The following MAGI1 variants were observed in gnomAD, a reference collection of about 807,000 sequenced individuals.
MAGI1 encodes membrane associated guanylate kinase, WW and PDZ domain containing 1.
A neutral mutation model predicts 139.9 loss-of-function variants in MAGI1; 58 were observed. The ratio of observed to expected loss-of-function variants is 0.41; its 90% CI spans 0.34 to 0.52. The LOEUF is 0.52. MAGI1 is among the 20% of genes least tolerant of loss of function. The probability of loss-of-function intolerance (pLI) is 0.12; values close to 1 mark genes in which losing one functional copy is unlikely to be tolerated. For synonymous variants in MAGI1, 812 were observed against 737.9 expected, an observed-to-expected ratio of 1.10 and a Z score of -1.63; for missense variants, 1,874 against 1,901.6, an observed-to-expected ratio of 0.99 and a Z score of 0.27.
At chr3:65,606,857 C>T (rs2082769091) in intron 2 of MAGI1, among the ~76,000 whole-genome samples, 1 of 151,978 alleles carries the variant, frequency 6.6e-6, no homozygotes, top group Non-Finnish European at 1.5e-5. Context: ...GGGTTTTCAC[C>T]ATGTTGCTTA....
intron 1 of MAGI1, among the ~76,000 whole-genome samples, chr3:66,033,141 A>C (rs1412306882): frequency 6.6e-6 from 1 of 151,312 alleles, no homozygotes; most frequent in East Asian, 2.0e-4. Flanking sequence ...CGATTCTCCC[A>C]CTCTGCCTCC....
chr3:65,459,269 A>G (rs1022687950), intron 5 of MAGI1, among the ~76,000 whole-genome samples: 1 of 152,108 alleles, frequency 6.6e-6, no homozygotes, highest in African/African-American at 2.4e-5. Context: ...CTCAGGATAT[A>G]TTTGGCTATT....
intron 1 of MAGI1, among the ~76,000 whole-genome samples, chr3:65,784,122 C>CA (rs35437902): frequency 0.03 from 4,452 of 146,968 alleles, 141 homozygotes; most frequent in Admixed American, 0.1. Context: ...GACTCCATCT[C>CA]AAAAAAAAAA....
Position 65,462,943 on chromosome 3 carries a change from G to A in MAGI1, c.959+7340C>T, listed in dbSNP as rs9882672. Among the ~76,000 whole-genome samples the A allele has an allele frequency of 8.5e-3, 1,295 of 152,276 alleles. 18 individuals are homozygous for A. The highest frequency in any genetic ancestry group is 0.029 in the African/African-American group (1,225 of 41,534). ...TTGTCTACTATTGGTGTATAGGAAT[G>A]CTTGTGATTTTTTGCACATTGATTT... On this transcript the variant is annotated intron_variant, in intron 5 of 22. Coordinates refer to ENST00000402939, the MANE Select transcript of MAGI1 (RefSeq NM_001033057.2).
intron 1 of MAGI1, among the ~76,000 whole-genome samples, chr3:65,754,119 CAT>C (rs1253733443): frequency 5.3e-5 from 8 of 152,112 alleles, no homozygotes; most frequent in East Asian, 1.9e-4. Flanking sequence ...AAATCTATCA[CAT>C]GATAGATATT....
intron 1 of MAGI1, among the ~76,000 whole-genome samples, chr3:65,728,630 G>A (rs1204628439): frequency 6.6e-6 from 1 of 152,204 alleles, no homozygotes; most frequent in Non-Finnish European, 1.5e-5. Flanking sequence ...AAGAGCAGGT[G>A]TTCTGTGGCA....
intron 2 of MAGI1, among the ~76,000 whole-genome samples, chr3:65,604,843 G>C (rs989445334): frequency 2.0e-5 from 3 of 152,086 alleles, no homozygotes; most frequent in African/African-American, 7.2e-5. Flanking sequence ...TCAACAAGAA[G>C]TGAAAATAGA....
At position 65,825,849 on chromosome 3, in the gene MAGI1, G is replaced by A. The variant is rs181797277; in HGVS notation, c.314-203761C>T. Among the ~76,000 whole-genome samples the A allele has an allele frequency of 2.8e-4, 43 of 152,074 alleles. No homozygotes were observed. The South Asian group carries it at 6.4e-3, about 23-fold the overall frequency. On this transcript the variant is annotated intron_variant, in intron 1 of 22. Coordinates refer to ENST00000402939, the MANE Select transcript of MAGI1 (RefSeq NM_001033057.2). ...CTAAAAATATAAAAATTAGCCAGGC[G>A]TGGTGGTGCATGCCTGTAGTCCCAG... is the stretch of plus-strand genomic sequence containing the variant.
At chr3:65,997,007 T>C (rs2066485580) in intron 1 of MAGI1, among the ~76,000 whole-genome samples, 1 of 152,228 alleles carries the variant, frequency 6.6e-6, no homozygotes, top group Non-Finnish European at 1.5e-5. Flanking sequence ...GACTGCTGAT[T>C]TTCTCAATTT....
At chr3:65,818,679 G>A (rs780270828) in intron 1 of MAGI1, among the ~76,000 whole-genome samples, 20 of 152,160 alleles carry the variant, frequency 1.3e-4, no homozygotes, top group Non-Finnish European at 2.5e-4. Context: ...TCAAGATGAG[G>A]CCAGAGAATA....
intron 1 of MAGI1, among the ~76,000 whole-genome samples, chr3:65,837,848 C>G (rs2058678157): frequency 6.6e-6 from 1 of 152,116 alleles, no homozygotes; most frequent in African/African-American, 2.4e-5. Flanking sequence ...CTTTAAAGGT[C>G]TAATACAGGG....
Position 65,705,389 on chromosome 3 carries a change from G to A in MAGI1, c.314-83301C>T, listed in dbSNP as rs529147718. On this transcript the variant is annotated intron_variant, in intron 1 of 22. Coordinates refer to ENST00000402939, the MANE Select transcript of MAGI1 (RefSeq NM_001033057.2). ...GAGTATCTTAGTAAGCCCTCAAGAG[G>A]AGCAATACCAACAATACATTATCCC... 1.8e-4 allele frequency among the ~76,000 whole-genome samples: 27 copies of A among 152,216 alleles called. No homozygotes were observed. In the South Asian group the frequency reaches 3.1e-3, roughly 18 times the overall value.
intron 1 of MAGI1, among the ~76,000 whole-genome samples, chr3:65,975,084 TA>T (rs887449939): frequency 2.6e-5 from 2 of 75,540 alleles, no homozygotes; most frequent in African/African-American, 8.7e-5. Flanking sequence ...AAAAGGGAAA[TA>T]GCTATTTAAA....
intron 22 of MAGI1, among the ~76,000 whole-genome samples, chr3:65,358,214 T>A (rs965505451): frequency 6.6e-6 from 1 of 152,154 alleles, no homozygotes. Flanking sequence ...GTGTCCTGAA[T>A]TGAGGAGAGC....
chr3:65,706,514 C>G (rs2030319638), intron 1 of MAGI1, among the ~76,000 whole-genome samples: 1 of 152,164 alleles, frequency 6.6e-6, no homozygotes, highest in Non-Finnish European at 1.5e-5. Flanking sequence ...GAAAATGAGC[C>G]AAAGTCCTCT....
intron 2 of MAGI1, among the ~76,000 whole-genome samples, chr3:65,613,969 G>C (rs1199929739): frequency 6.6e-6 from 1 of 152,108 alleles, no homozygotes; most frequent in Non-Finnish European, 1.5e-5. Flanking sequence ...TTAACAGAGG[G>C]CCTACAAAGT....
At chr3:65,906,711 C>T (rs999364510) in intron 1 of MAGI1, among the ~76,000 whole-genome samples, 1 of 151,858 alleles carries the variant, frequency 6.6e-6, no homozygotes, top group Non-Finnish European at 1.5e-5. Flanking sequence ...CATGGTGAAA[C>T]CCCATCTCTA....
intron 2 of MAGI1, among the ~76,000 whole-genome samples, chr3:65,585,159 TCAGA>T (rs2081615816): frequency 1.3e-5 from 2 of 152,308 alleles, no homozygotes; most frequent in Middle Eastern, 3.4e-3. Context: ...CCAGGGTCAT[TCAGA>T]CAGTCAAGGA....
At chr3:65,922,744 G>A (rs191770574) in intron 1 of MAGI1, among the ~76,000 whole-genome samples, 1 of 152,304 alleles carries the variant, frequency 6.6e-6, no homozygotes, top group Non-Finnish European at 1.5e-5. Context: ...TGCAATGCCA[G>A]CACTTCATCC....
Sources: allele counts gnomAD v4.1 joint callset (sites outside exome capture counted in the v4.1 genomes callset), GRCh38; gene constraint gnomAD v4.1.1; transcripts MANE v1.5; gene names NCBI Gene and HGNC (gene_info 2026-07-23, HGNC 2026-07-21).